The following NTNG1 variants were observed in gnomAD, a reference collection of about 807,000 sequenced individuals.
NTNG1 encodes netrin-G1.
A neutral mutation model predicts 54.0 loss-of-function variants in NTNG1; 16 were observed. That is an observed-to-expected ratio of 0.30 (90% CI 0.20 to 0.45). The LOEUF (loss-of-function observed/expected upper bound fraction) is 0.45, where lower values mean the gene tolerates loss of function less well. Ranked by LOEUF, NTNG1 falls within the 20% of genes least tolerant of loss-of-function variation. The pLI, the probability that NTNG1 is intolerant of heterozygous loss-of-function variation, is 1.00. For synonymous variants in NTNG1, 255 were observed against 263.1 expected (o/e 0.97, Z 0.30); for missense variants, 530 against 678.7 (o/e 0.78, Z 2.43).
chr1:107,180,055 A>C (rs1295237141), intron 2 of NTNG1, among the ~76,000 whole-genome samples: 1 of 152,108 alleles, frequency 6.6e-6, no homozygotes, highest in East Asian at 1.9e-4. Context: ...CATACCAGAG[A>C]GTGTCTTAGA....
intron 4 of NTNG1, among the ~76,000 whole-genome samples, chr1:107,400,025 G>A (rs1431500933): frequency 6.6e-6 from 1 of 151,864 alleles, no homozygotes; most frequent in African/African-American, 2.4e-5. Context: ...CTATTCTTGT[G>A]GTTTTAGATC....
chr1:107,189,630 C>G (rs947038890), intron 2 of NTNG1, among the ~76,000 whole-genome samples: 1 of 151,972 alleles, frequency 6.6e-6, no homozygotes, highest in African/African-American at 2.4e-5. Flanking sequence ...TTTTAATATT[C>G]TCTACCTTTA....
intron 3 of NTNG1, among the ~76,000 whole-genome samples, chr1:107,330,297 C>T (rs923491337): frequency 2.0e-5 from 3 of 152,064 alleles, no homozygotes; most frequent in South Asian, 2.1e-4. Context: ...ATGGAGTCTC[C>T]GTATTAATTG....
In NTNG1 at chr1:107,359,390, A is replaced by G. The variant is rs559057396; in HGVS notation, c.887+34468A>G. ...TCTGAACCCTATCACAGACCAGTTAAGATATCAGAGAATCAGAGAATGGCT... is the reference window on the plus strand; with the variant it reads ...TCTGAACCCTATCACAGACCAGTTAGGATATCAGAGAATCAGAGAATGGCT... On this transcript the variant is annotated intron_variant, in intron 3 of 7. Transcript: ENST00000370068. 3.3e-5 allele frequency among the ~76,000 whole-genome samples: 5 copies of G among 152,314 alleles called. No homozygotes were observed. In the South Asian group the frequency reaches 1.0e-3, roughly 32 times the overall value.
chr1:107,273,903 A>G (rs1214143569), intron 2 of NTNG1, among the ~76,000 whole-genome samples: 1 of 152,160 alleles, frequency 6.6e-6, no homozygotes, highest in Non-Finnish European at 1.5e-5. Flanking sequence ...TTCTGACAAT[A>G]TCTTCTTCTC....
chr1:107,284,421 C>A (rs1665065354), intron 2 of NTNG1, among the ~76,000 whole-genome samples: 1 of 151,968 alleles, frequency 6.6e-6, no homozygotes. Flanking sequence ...CTGCAGAAAC[C>A]TTTGTTGTAT....
chr1:107,409,000 A>G (rs943974458), intron 5 of NTNG1: 2 of 152,168 alleles, frequency 1.3e-5, no homozygotes, highest in Admixed American at 1.3e-4. Flanking sequence ...TAGATGTGGT[A>G]AATGCCATGA....
chr1:107,173,762 A>G (rs948096083), intron 2 of NTNG1, among the ~76,000 whole-genome samples: 4 of 143,960 alleles, frequency 2.8e-5, no homozygotes, highest in African/African-American at 1.0e-4. Context: ...TAAGGTAGAT[A>G]AGCAATTCTA....
chr1:107,383,360 T>C (rs1356821571), intron 3 of NTNG1, among the ~76,000 whole-genome samples: 2 of 152,156 alleles, frequency 1.3e-5, no homozygotes, highest in African/African-American at 2.4e-5. Context: ...GTTTCCCCTA[T>C]AAAAAATTAT....
intron 2 of NTNG1, among the ~76,000 whole-genome samples, chr1:107,297,190 T>TC (rs1450784465): frequency 1.4e-3 from 198 of 141,840 alleles, no homozygotes; most frequent in East Asian, 0.011. Context: ...ACATCATATA[T>TC]ATATAACATC....
At chr1:107,407,492 T>TTG (rs3838422) in intron 4 of NTNG1, among the ~76,000 whole-genome samples, 190 bp from the exon 5 acceptor site, 65,500 of 150,162 alleles carry the variant, frequency 0.44, 15,019 homozygotes, top group Non-Finnish European at 0.51. Context: ...TTGCTGGAAA[T>TTG]TGTGTGTGTG....
rs771492359 is a variant in NTNG1, at chr1:107,480,832, G to C, written c.1612G>C (p.Val538Leu). The change falls in exon 8 of 8, where the codon GTG becomes CTG. Residue 538 changes from valine (V) to leucine (L), a missense_variant. By Grantham distance (32) the Val-to-Leu change is conservative. Around this residue, in one of 2 missense-constraint regions of NTNG1, gnomAD observed 212 missense variants for 213.6 expected, o/e 0.99. Transcript: ENST00000370068. ...TTLLGTASPLVF is the reference protein window; with the variant it reads ...TTLLGTASPLLF Reference sequence around the variant, plus strand: ...GCTGCTGGGAACCGCCAGCCCCCTGGTGTTCTAGGTGTCACCTCCAGCCAC... The same window carrying C: ...GCTGCTGGGAACCGCCAGCCCCCTGCTGTTCTAGGTGTCACCTCCAGCCAC... 62 of 1,558,302 alleles carry C rather than the reference G, an allele frequency of 4.0e-5. No homozygotes were observed. Among genetic ancestry groups the C allele is most frequent in the Middle Eastern group, 1.7e-4 (1 of 5,966 alleles).
At chr1:107,390,824 C>T (rs1302834817) in intron 3 of NTNG1, among the ~76,000 whole-genome samples, 3 of 152,174 alleles carry the variant, frequency 2.0e-5, no homozygotes, top group African/African-American at 7.2e-5. Flanking sequence ...TGACTGCTGC[C>T]TCCCAGGAAC....
chr1:107,210,364 A>C (rs1339023767), intron 2 of NTNG1, among the ~76,000 whole-genome samples: 1 of 152,196 alleles, frequency 6.6e-6, no homozygotes, highest in African/African-American at 2.4e-5. Flanking sequence ...GACTTGAATT[A>C]AGGCAGTGGT....
At chr1:107,256,630 G>A (rs1327926846) in intron 2 of NTNG1, among the ~76,000 whole-genome samples, 2 of 152,176 alleles carry the variant, frequency 1.3e-5, no homozygotes, top group African/African-American at 4.8e-5. Flanking sequence ...GGATGTTCAG[G>A]CAGATAATGC....
chr1:107,150,606 CAG>C (rs1242897311), intron 2 of NTNG1, among the ~76,000 whole-genome samples: 1 of 152,176 alleles, frequency 6.6e-6, no homozygotes, highest in Non-Finnish European at 1.5e-5. Flanking sequence ...TTTCCTTTCT[CAG>C]GGTGCTGTTT....
intron 2 of NTNG1, among the ~76,000 whole-genome samples, chr1:107,178,640 C>T (rs1656830336): frequency 6.6e-6 from 1 of 152,144 alleles, no homozygotes; most frequent in Non-Finnish European, 1.5e-5. Context: ...TTCTATTTTA[C>T]TCTCACCTTA....
At chr1:107,434,556 C>T (rs1557997263) in intron 6 of NTNG1, among the ~76,000 whole-genome samples, 2 of 152,096 alleles carry the variant, frequency 1.3e-5, no homozygotes, top group African/African-American at 4.8e-5. Flanking sequence ...TGAAACAGAG[C>T]TCAGCAGCTG....
chr1:107,417,791 A>C (rs1308626118), intron 5 of NTNG1, among the ~76,000 whole-genome samples: 1 of 152,116 alleles, frequency 6.6e-6, no homozygotes, highest in Non-Finnish European at 1.5e-5. Context: ...ACCTTCACAA[A>C]AATAGTTTAA....
Sources: allele counts gnomAD v4.1 joint callset (sites outside exome capture counted in the v4.1 genomes callset), GRCh38; gene constraint gnomAD v4.1.1; regional missense constraint gnomAD v4.1.1; transcripts MANE v1.5; gene names NCBI Gene and HGNC (gene_info 2026-07-23, HGNC 2026-07-21).